The following APOBEC1 variants were observed in gnomAD, a reference collection of about 807,000 sequenced individuals.
APOBEC1 encodes the protein C->U-editing enzyme APOBEC-1.
A neutral mutation model predicts 26.3 loss-of-function variants in APOBEC1; 22 were observed. That is an observed-to-expected ratio of 0.84 (90% CI 0.60 to 1.19). The LOEUF (loss-of-function observed/expected upper bound fraction) is 1.19, where lower values mean the gene tolerates loss of function less well. Among genes scored for constraint, APOBEC1 ranks in the 50% most tolerant of loss-of-function variants. The pLI, the probability that APOBEC1 is intolerant of heterozygous loss-of-function variation, is 0.00. For synonymous variants in APOBEC1, 77 were observed against 95.3 expected (o/e 0.81, Z 1.12); for missense variants, 253 against 289.0 (o/e 0.88, Z 0.90).
chr12:7,658,248 G>C (rs1863744524), intron 1 of APOBEC1, among the ~76,000 whole-genome samples: 3 of 152,140 alleles, frequency 2.0e-5, no homozygotes, highest in South Asian at 2.1e-4. Flanking sequence ...ATTTTTAGTA[G>C]AGACGGGGTT....
At chr12:7,663,225 A>G (rs908869205) in intron 1 of APOBEC1, among the ~76,000 whole-genome samples, 12 of 152,054 alleles carry the variant, frequency 7.9e-5, no homozygotes, top group African/African-American at 2.9e-4. Context: ...CTGTGTGTGT[A>G]CCTGTTTGTG....
chr12:7,663,407 G>A (rs1381461250), intron 1 of APOBEC1, among the ~76,000 whole-genome samples: 1 of 152,152 alleles, frequency 6.6e-6, no homozygotes, highest in African/African-American at 2.4e-5. Flanking sequence ...TTCCAAGTGT[G>A]ACCTGAAGAA....
At chr12:7,653,972 G>C (rs1228810714) in intron 2 of APOBEC1, among the ~76,000 whole-genome samples, 1 of 152,106 alleles carries the variant, frequency 6.6e-6, no homozygotes, top group Non-Finnish European at 1.5e-5. Flanking sequence ...CATCCTAATA[G>C]TTCCCACTCA....
intron 2 of APOBEC1, among the ~76,000 whole-genome samples, chr12:7,653,869 A>G (rs1011712616): frequency 6.6e-6 from 1 of 152,204 alleles, no homozygotes; most frequent in African/African-American, 2.4e-5. Context: ...TTTAGATTTA[A>G]CACTCTCTAT....
intron 1 of APOBEC1, among the ~76,000 whole-genome samples, chr12:7,660,390 A>AGGAAGGAAGGAC (rs1565442438): frequency 7.9e-5 from 8 of 101,440 alleles, no homozygotes; most frequent in Non-Finnish European, 1.7e-4. Flanking sequence ...GAAAGAAAGA[A>AGGAAGGAAGGAC]AGAAAGAAAG....
intron 1 of APOBEC1, among the ~76,000 whole-genome samples, chr12:7,665,269 GTTAT>G (rs1430500610): frequency 2.6e-5 from 4 of 152,060 alleles, no homozygotes; most frequent in Non-Finnish European, 2.9e-5. Flanking sequence ...ACCTTAAACT[GTTAT>G]TTAAACAGTT....
chr12:7,669,666 C>A (rs778715112), upstream of APOBEC1, among the ~76,000 whole-genome samples: 12 of 152,220 alleles, frequency 7.9e-5, no homozygotes. Context: ...TTGGCCTCCC[C>A]AAAGTTCTGG....
chr12:7,659,571 G>A (rs974723156), intron 1 of APOBEC1, among the ~76,000 whole-genome samples: 8 of 151,852 alleles, frequency 5.3e-5, no homozygotes, highest in Admixed American at 3.9e-4. Flanking sequence ...TGCTGGTAAG[G>A]ATGCAGAGAA....
chr12:7,665,930 G>C (rs1183586788), upstream of APOBEC1: 10 of 1,605,632 alleles, frequency 6.2e-6, 1 homozygote, highest in South Asian at 1.1e-5. Flanking sequence ...ATTGTTCCTG[G>C]ACTTTGTTGC....
chr12:7,669,955 A>T (rs951579662), upstream of APOBEC1, among the ~76,000 whole-genome samples: 1 of 151,804 alleles, frequency 6.6e-6, no homozygotes, highest in African/African-American at 2.4e-5. Context: ...ACTTGTTCAA[A>T]TTTTTTGTCT....
At chr12:7,665,966 T>A, upstream of APOBEC1, 1 of 1,329,572 alleles carries the variant, frequency 7.5e-7, no homozygotes, top group Non-Finnish European at 1.1e-6. Context: ...TGCCACCTGC[T>A]TGGGCAGAGG....
intron 1 of APOBEC1, 142 bp from the exon 2 acceptor site, chr12:7,654,774 C>T: frequency 1.2e-6 from 1 of 843,064 alleles, no homozygotes; most frequent in Non-Finnish European, 1.9e-6. Context: ...TTGTATTGGA[C>T]CAGCTCATTG....
At chr12:7,659,311 AAAAAAAAAAAAATATATAT>A (rs1195506377) in intron 1 of APOBEC1, among the ~76,000 whole-genome samples, 2 of 96,814 alleles carry the variant, frequency 2.1e-5, no homozygotes, top group Non-Finnish European at 3.9e-5. Flanking sequence ...AAAAAAAAAA[AAAAAAAAAAAAATATATAT>A]ATATATATAT....
intron 1 of APOBEC1, among the ~76,000 whole-genome samples, chr12:7,657,933 A>T (rs1863738634): frequency 6.6e-6 from 1 of 152,188 alleles, no homozygotes; most frequent in African/African-American, 2.4e-5. Flanking sequence ...AAAAATACCC[A>T]AAACTATTTC....
intron 2 of APOBEC1, 118 bp from the exon 3 acceptor site, chr12:7,652,953 G>A (rs1490695377): frequency 2.2e-6 from 2 of 899,938 alleles, no homozygotes; most frequent in Admixed American, 4.2e-5. Context: ...TTTTTAAGAT[G>A]GAGTCTCACA....
chr12:7,655,084 C>CTATA (rs1478876358), intron 1 of APOBEC1, among the ~76,000 whole-genome samples: 5 of 152,122 alleles, frequency 3.3e-5, no homozygotes, highest in Admixed American at 1.3e-4. Context: ...TTGCGGGCAC[C>CTATA]TATAATCCCA....
intron 3 of APOBEC1, among the ~76,000 whole-genome samples, chr12:7,651,970 G>A (rs866834647): frequency 6.6e-6 from 1 of 151,844 alleles, no homozygotes; most frequent in Non-Finnish European, 1.5e-5. Context: ...ACAGGCGCCC[G>A]CCACCACGCC....
chr12:7,663,315 A>T (rs2086848193), intron 1 of APOBEC1, among the ~76,000 whole-genome samples: 1 of 152,126 alleles, frequency 6.6e-6, no homozygotes. Context: ...TTTTTTGCAG[A>T]GAGTGGTTCT....
chr12:7,656,052 G>T (rs1013889059), intron 1 of APOBEC1, among the ~76,000 whole-genome samples: 3 of 151,890 alleles, frequency 2.0e-5, no homozygotes, highest in Non-Finnish European at 4.4e-5. Flanking sequence ...GCCCAGGTTG[G>T]TCTCAAACTC....
Sources: allele counts gnomAD v4.1 joint callset (sites outside exome capture counted in the v4.1 genomes callset), GRCh38; gene constraint gnomAD v4.1.1; transcripts MANE v1.5; gene names NCBI Gene and HGNC (gene_info 2026-07-23, HGNC 2026-07-21).